Variants in NTM observed in about 807,000 individuals in gnomAD.
NTM encodes the protein IgLON family member 2.
Under a neutral mutation model 42.1 loss-of-function variants are expected in NTM, and 13 were observed. The ratio of observed to expected loss-of-function variants is 0.31; its 90% CI spans 0.20 to 0.49. The LOEUF is 0.49. NTM is among the 20% of genes least tolerant of loss of function. The pLI is 0.99. For missense variants in NTM, 373 were observed against 452.8 expected (o/e 0.82, Z 1.60); for synonymous variants, 187 against 179.2 (o/e 1.04, Z -0.35).
chr11:132,270,687 A>C (rs1328854238), intron 4 of NTM, among the ~76,000 whole-genome samples: 2 of 150,970 alleles, frequency 1.3e-5, no homozygotes, highest in Non-Finnish European at 2.9e-5. Context: ...GGTAATAGCA[A>C]GGATTAGAAT....
At chr11:131,715,790 A>G (rs1244735273) in intron 1 of NTM, among the ~76,000 whole-genome samples, 1 of 152,214 alleles carries the variant, frequency 6.6e-6, no homozygotes, top group Non-Finnish European at 1.5e-5. Context: ...TTCACTCAGT[A>G]TAATTATTTA....
At chr11:132,320,361 C>A (rs1011691266) in intron 7 of NTM, among the ~76,000 whole-genome samples, 79 of 152,332 alleles carry the variant, frequency 5.2e-4, no homozygotes, top group African/African-American at 1.8e-3. Context: ...TTGCCTCACT[C>A]GGGAAGTGCA....
intron 2 of NTM, among the ~76,000 whole-genome samples, chr11:131,990,215 A>G (rs2066781463): frequency 6.6e-6 from 1 of 152,144 alleles, no homozygotes; most frequent in African/African-American, 2.4e-5. Context: ...CTAGATTTGA[A>G]CTGAAATCTA....
At chr11:131,657,281 G>A (rs562954302) in intron 1 of NTM, among the ~76,000 whole-genome samples, 24 of 152,288 alleles carry the variant, frequency 1.6e-4, no homozygotes, top group African/African-American at 5.5e-4. Flanking sequence ...GAAAGCATCT[G>A]AGGCCAGCCT....
At chr11:131,851,811 A>T (rs910454309) in intron 1 of NTM, among the ~76,000 whole-genome samples, 12 of 152,212 alleles carry the variant, frequency 7.9e-5, no homozygotes, top group Admixed American at 3.3e-4. Flanking sequence ...CCCATAGATT[A>T]TCTAACACTT....
chr11:131,955,832 C>T (rs776270034), intron 2 of NTM, among the ~76,000 whole-genome samples: 5 of 152,284 alleles, frequency 3.3e-5, no homozygotes, highest in African/African-American at 7.2e-5. Flanking sequence ...ATAATGTCCG[C>T]GCTTTGACTT....
intron 7 of NTM, chr11:132,317,650 T>TTTAGAACTAAATGAGCCTACGAGCTCAAC: frequency 7.7e-7 from 1 of 1,303,048 alleles, no homozygotes; most frequent in Non-Finnish European, 1.0e-6. Flanking sequence ...CCTCAACCGA[T>TTTAGAACTAAATGAGCCTACGAGCTCAAC]TTAGAACTAA....
chr11:131,592,328 G>A (rs1053624190), intron 1 of NTM, among the ~76,000 whole-genome samples: 4 of 152,000 alleles, frequency 2.6e-5, no homozygotes, highest in African/African-American at 4.8e-5. Context: ...CAATGTCCTC[G>A]TCTGCAAAAT....
chr11:132,315,651 T>A (rs993793279), intron 7 of NTM, among the ~76,000 whole-genome samples: 1 of 152,134 alleles, frequency 6.6e-6, no homozygotes, highest in African/African-American at 2.4e-5. Context: ...TTTGGGATAA[T>A]CCCATGGCCC....
intron 2 of NTM, among the ~76,000 whole-genome samples, chr11:131,960,184 G>A (rs2061997541): frequency 6.6e-6 from 1 of 152,208 alleles, no homozygotes; most frequent in Admixed American, 6.5e-5. Flanking sequence ...CACACAAGAA[G>A]TACAAGCTCG....
chr11:131,618,117 A>C, intron 1 of NTM, among the ~76,000 whole-genome samples: 1 of 152,130 alleles, frequency 6.6e-6, no homozygotes, highest in East Asian at 1.9e-4. Flanking sequence ...CTTTTCCAGT[A>C]AGGGAGACCT....
At chr11:131,856,061 C>T (rs779588285) in intron 1 of NTM, among the ~76,000 whole-genome samples, 8 of 152,122 alleles carry the variant, frequency 5.3e-5, no homozygotes, top group African/African-American at 7.2e-5. Context: ...ACAGTCGCTG[C>T]GTATTTATTG....
chr11:131,751,653 G>C (rs1188762010), intron 1 of NTM, among the ~76,000 whole-genome samples: 1 of 151,624 alleles, frequency 6.6e-6, no homozygotes, highest in Non-Finnish European at 1.5e-5. Flanking sequence ...CTAGCTACTC[G>C]AGAGGCTGAG....
intron 1 of NTM, among the ~76,000 whole-genome samples, chr11:131,384,692 G>A (rs972715921): frequency 6.6e-6 from 1 of 152,142 alleles, no homozygotes; most frequent in Non-Finnish European, 1.5e-5. Context: ...GGCGAATCCT[G>A]AGAATAGGTA....
chr11:132,108,211 AC>A (rs2062662619), intron 2 of NTM, among the ~76,000 whole-genome samples: 1 of 152,092 alleles, frequency 6.6e-6, no homozygotes, highest in Non-Finnish European at 1.5e-5. Flanking sequence ...CCCACTTCAT[AC>A]CTTTACCTCT....
At chr11:131,802,806 T>C (rs1455521757) in intron 1 of NTM, among the ~76,000 whole-genome samples, 1 of 152,166 alleles carries the variant, frequency 6.6e-6, no homozygotes, top group Admixed American at 6.5e-5. Flanking sequence ...AAAAACTCAG[T>C]GTTATTTTCC....
At chr11:132,296,770 G>A (rs1045849337) in intron 4 of NTM, among the ~76,000 whole-genome samples, 11 of 152,110 alleles carry the variant, frequency 7.2e-5, no homozygotes, top group Non-Finnish European at 1.6e-4. Flanking sequence ...CCCATACACC[G>A]TCTTTTTATA....
chr11:131,823,216 A>C (rs1415551925), intron 1 of NTM, among the ~76,000 whole-genome samples: 1 of 152,184 alleles, frequency 6.6e-6, no homozygotes, highest in East Asian at 1.9e-4. Context: ...ATTCACTCTT[A>C]GAGGGTTATT....
intron 2 of NTM, among the ~76,000 whole-genome samples, chr11:132,141,497 A>G (rs2069144126): frequency 6.6e-6 from 1 of 152,212 alleles, no homozygotes; most frequent in Non-Finnish European, 1.5e-5. Context: ...GCATTGGAAC[A>G]ATAGGTGCAG....
Sources: allele counts gnomAD v4.1 joint callset (sites outside exome capture counted in the v4.1 genomes callset), GRCh38; gene constraint gnomAD v4.1.1; transcripts MANE v1.5; gene names NCBI Gene and HGNC (gene_info 2026-07-23, HGNC 2026-07-21).